The following DNAJB1 variants were observed in gnomAD, a reference collection of about 807,000 sequenced individuals.
DNAJB1 encodes the protein DnaJ heat shock protein family (Hsp40) member B1.
In DNAJB1, 14 loss-of-function variants were observed where a neutral mutation model predicts 24.0. The observed-to-expected ratio is 0.58, with a 90% CI of 0.39 to 0.91. The LOEUF is 0.91. DNAJB1 is among the 40% of genes least tolerant of loss of function. The probability of loss-of-function intolerance (pLI) is 0.00; values close to 1 mark genes in which losing one functional copy is unlikely to be tolerated. For synonymous variants in DNAJB1, 262 were observed against 174.4 expected (o/e 1.50, Z -3.96); for missense variants, 517 against 458.1 (o/e 1.13, Z -1.17).
At chr19:14,537,807 C>T (rs962217585) in intron 1 of DNAJB1, among the ~76,000 whole-genome samples, 8 of 140,054 alleles carry the variant, frequency 5.7e-5, no homozygotes, top group Non-Finnish European at 1.2e-4. Context: ...GGTGCAATGG[C>T]GTGATCTCGG....
chr19:14,538,369 G>A (rs1253753437), intron 1 of DNAJB1, among the ~76,000 whole-genome samples: 1 of 152,064 alleles, frequency 6.6e-6, no homozygotes, highest in East Asian at 1.9e-4. Context: ...GGGGCCTGTG[G>A]GGGAGTGTGA....
At chr19:14,539,140 ATTTTTTTTTTT>A (rs57801378) in intron 1 of DNAJB1, among the ~76,000 whole-genome samples, 30 of 92,546 alleles carry the variant, frequency 3.2e-4, no homozygotes, top group Admixed American at 1.0e-3. Flanking sequence ...CGCCCGGCTA[ATTTTTTTTTTT>A]TTTTTTTTTT....
At chr19:14,540,363 T>C in intron 1 of DNAJB1, among the ~76,000 whole-genome samples, 1 of 152,100 alleles carries the variant, frequency 6.6e-6, no homozygotes, top group Non-Finnish European at 1.5e-5. Context: ...CCACTGTGCC[T>C]GGCTAATTTT....
intron 1 of DNAJB1, chr19:14,517,784 GCC>G (rs2072299361): frequency 4.7e-6 from 1 of 211,722 alleles, no homozygotes; most frequent in Admixed American, 5.9e-5. Flanking sequence ...CGGCGGCCGA[GCC>G]CAGGTGAGCC....
chr19:14,518,552 C>T, upstream of DNAJB1: 2 of 395,186 alleles, frequency 5.1e-6, no homozygotes, highest in Non-Finnish European at 8.7e-6. Context: ...CGGGGCCTCG[C>T]CGTCAACGGC....
At chr19:14,517,889 G>A in intron 1 of DNAJB1, 1 of 388,388 alleles carries the variant, frequency 2.6e-6, no homozygotes, top group Non-Finnish European at 4.5e-6. Context: ...TCGGGGCCGC[G>A]GGAGGAGGCG....
chr19:14,524,061 G>C (rs998018311), intron 2 of DNAJB1, among the ~76,000 whole-genome samples: 11 of 152,314 alleles, frequency 7.2e-5, no homozygotes, highest in African/African-American at 2.6e-4. Flanking sequence ...TGGAGATTCT[G>C]AGAGGTCATG....
At chr19:14,529,740 G>T (rs1568388927), upstream of DNAJB1, 1 of 1,613,974 alleles carries the variant, frequency 6.2e-7, no homozygotes, top group African/African-American at 1.3e-5. Context: ...GGGCCGTGTG[G>T]CCACTGCTGA....
At chr19:14,559,355 C>G (rs911148845) in intron 1 of DNAJB1, among the ~76,000 whole-genome samples, 13 of 152,194 alleles carry the variant, frequency 8.5e-5, no homozygotes, top group African/African-American at 3.1e-4. Flanking sequence ...CGCCCAGCCC[C>G]TGGCCCCTCC....
chr19:14,520,121 C>T (rs1055061375), upstream of DNAJB1, among the ~76,000 whole-genome samples: 14 of 152,192 alleles, frequency 9.2e-5, no homozygotes, highest in Non-Finnish European at 1.8e-4. Flanking sequence ...AGCAGTTGTG[C>T]CCACATCATG....
chr19:14,529,305 G>C (rs2072518186), exon 1 of DNAJB1: 12 of 393,730 alleles, frequency 3.0e-5, no homozygotes, highest in South Asian at 2.6e-4. Flanking sequence ...CCTAACCGTC[G>C]CTTACCTTGG....
At chr19:14,552,172 C>CTT (rs536176918), upstream of DNAJB1, among the ~76,000 whole-genome samples, 9 of 133,486 alleles carry the variant, frequency 6.7e-5, no homozygotes, top group Non-Finnish European at 1.1e-4. Context: ...TTTCTTTTTT[C>CTT]TTTTTTTTTT....
intron 1 of DNAJB1, among the ~76,000 whole-genome samples, chr19:14,558,982 C>CGTGT (rs145913080): frequency 6.6e-6 from 1 of 151,572 alleles, no homozygotes; most frequent in African/African-American, 2.4e-5. Context: ...CCTGGGCAGG[C>CGTGT]GTGTGTGTGT....
chr19:14,526,425 C>G (rs1400144859), intron 2 of DNAJB1, among the ~76,000 whole-genome samples: 1 of 152,150 alleles, frequency 6.6e-6, no homozygotes, highest in African/African-American at 2.4e-5. Flanking sequence ...AGCCTGGTTA[C>G]CGGAAGCCAG....
At chr19:14,539,233 A>T (rs2073014911) in intron 1 of DNAJB1, among the ~76,000 whole-genome samples, 1 of 136,844 alleles carries the variant, frequency 7.3e-6, no homozygotes, top group Non-Finnish European at 1.5e-5. Context: ...TGACTTCGTG[A>T]TCCACCTGCC....
chr19:14,556,518 C>A lies in DNAJB1; in HGVS notation c.-2165-2200G>T, dbSNP rs1030417216. Among the ~76,000 whole-genome samples the A allele has an allele frequency of 2.6e-5, 4 of 152,164 alleles. No homozygotes were observed. In the South Asian group the frequency reaches 6.2e-4, roughly 24 times the overall value. ...ATGCTATGGCTATCTGCCCCCACCCCCTGCTTGCCCAGCACGCACAGGCTA... is the reference window on the plus strand; with the variant it reads ...ATGCTATGGCTATCTGCCCCCACCCACTGCTTGCCCAGCACGCACAGGCTA... On this transcript the variant is annotated intron_variant, in intron 1 of 5. Transcript: ENST00000679223.
chr19:14,545,019 T>A (rs1469128297), intron 1 of DNAJB1: 1 of 449,592 alleles, frequency 2.2e-6, no homozygotes, highest in Non-Finnish European at 4.5e-6. Context: ...CCCTCCCTGG[T>A]CCAAGCACCT....
intron 1 of DNAJB1, among the ~76,000 whole-genome samples, chr19:14,558,908 G>A (rs994139687): frequency 6.6e-6 from 1 of 152,246 alleles, no homozygotes. Context: ...CTGTTCAGCA[G>A]CTGCCTGTAC....
At chr19:14,535,041 C>T (rs567510677) in intron 1 of DNAJB1, among the ~76,000 whole-genome samples, 9 of 152,148 alleles carry the variant, frequency 5.9e-5, no homozygotes, top group African/African-American at 7.2e-5. Flanking sequence ...GCCCTAAAAT[C>T]GGATGGGCTG....
Sources: allele counts gnomAD v4.1 joint callset (sites outside exome capture counted in the v4.1 genomes callset), GRCh38; gene constraint gnomAD v4.1.1; transcripts MANE v1.5; gene names NCBI Gene and HGNC (gene_info 2026-07-23, HGNC 2026-07-21).